The following OPCML variants were observed in gnomAD, a reference collection of about 807,000 sequenced individuals.
OPCML encodes the protein opioid binding protein/cell adhesion molecule like, also known as opioid-binding protein/cell adhesion molecule.
A neutral mutation model predicts 37.8 loss-of-function variants in OPCML; 13 were observed. That is an observed-to-expected ratio of 0.34 (90% CI 0.22 to 0.55). The LOEUF (loss-of-function observed/expected upper bound fraction) is 0.55, where lower values mean the gene tolerates loss of function less well. OPCML is among the 20% of genes least tolerant of loss of function. The pLI, the probability that OPCML is intolerant of heterozygous loss-of-function variation, is 0.91. For missense variants in OPCML, 341 were observed against 435.6 expected, an observed-to-expected ratio of 0.78 and a Z score of 1.93; for synonymous variants, 176 against 168.8, an observed-to-expected ratio of 1.04 and a Z score of -0.33.
At chr11:133,452,033 A>C (rs538293250) in intron 1 of OPCML, among the ~76,000 whole-genome samples, 1 of 151,534 alleles carries the variant, frequency 6.6e-6, no homozygotes, top group East Asian at 1.9e-4. Context: ...AACAAAAATC[A>C]ATACATTCAG....
Position 133,205,536 on chromosome 11 carries a change from C to A in OPCML, c.62-262526G>T, listed in dbSNP as rs1231720600. ...GGCAGTGCTGTGGGCTGAGCCTCAC[C>A]CTATGGGGACTGACGCCGTCTCCAG... On this transcript the variant is annotated intron_variant, in intron 1 of 7. Transcript: ENST00000524381. The surrounding 1 kb of genome is among the most constrained non-coding windows in gnomAD (Gnocchi z 4.8). Among the ~76,000 whole-genome samples, 4 of 152,148 alleles carry A rather than the reference C, an allele frequency of 2.6e-5. No homozygotes were observed. The highest frequency in any genetic ancestry group is 9.7e-5 in the African/African-American group (4 of 41,410).
intron 3 of OPCML, among the ~76,000 whole-genome samples, chr11:132,652,556 C>T (rs907132008): frequency 6.6e-6 from 1 of 152,184 alleles, no homozygotes; most frequent in South Asian, 2.1e-4. Context: ...CAGCCAGGCT[C>T]TTAACCTCCA....
chr11:133,003,866 G>A, intron 1 of OPCML: 1 of 985,358 alleles, frequency 1.0e-6, no homozygotes, highest in African/African-American at 1.7e-5. Flanking sequence ...TCCACCGTGT[G>A]CCCTCGACCC....
At chr11:132,496,273 T>C (rs778840621) in intron 4 of OPCML, among the ~76,000 whole-genome samples, 5 of 152,208 alleles carry the variant, frequency 3.3e-5, no homozygotes, top group Non-Finnish European at 7.3e-5. Context: ...GTGCTATATG[T>C]CTGAAGGGGG....
intron 1 of OPCML, among the ~76,000 whole-genome samples, chr11:133,048,074 C>A (rs1948056445): frequency 6.6e-6 from 1 of 152,090 alleles, no homozygotes; most frequent in Non-Finnish European, 1.5e-5. Flanking sequence ...CTTGAGGAAT[C>A]GGGTAAGACG....
At chr11:133,376,111 AAG>A (rs1221048018) in intron 1 of OPCML, among the ~76,000 whole-genome samples, 1 of 152,208 alleles carries the variant, frequency 6.6e-6, no homozygotes, top group Non-Finnish European at 1.5e-5. Flanking sequence ...TCAGGAGAGA[AAG>A]AGATTGTACT....
At chr11:132,856,600 C>T (rs1942067522) in intron 2 of OPCML, among the ~76,000 whole-genome samples, 1 of 152,254 alleles carries the variant, frequency 6.6e-6, no homozygotes, top group African/African-American at 2.4e-5. Flanking sequence ...GTGGACAAGC[C>T]GACTCAAGCA....
At chr11:132,776,502 C>T (rs1030484614) in intron 2 of OPCML, among the ~76,000 whole-genome samples, 1 of 151,998 alleles carries the variant, frequency 6.6e-6, no homozygotes, top group Non-Finnish European at 1.5e-5. Context: ...CAGTACTATC[C>T]CCCTGGTGAT....
chr11:133,372,369 C>T (rs7129427), intron 1 of OPCML, among the ~76,000 whole-genome samples: 55,454 of 151,962 alleles, frequency 0.36, 11,876 homozygotes, highest in East Asian at 0.64. Context: ...TCTAATTTAG[C>T]TCAATTTTTT....
intron 1 of OPCML, among the ~76,000 whole-genome samples, chr11:133,164,459 T>C (rs964712676): frequency 6.6e-5 from 10 of 152,234 alleles, no homozygotes; most frequent in Admixed American, 2.0e-4. Context: ...CTGGTACTCT[T>C]ACCCTGGGAA....
At chr11:132,555,108 G>T (rs1441271709) in intron 3 of OPCML, among the ~76,000 whole-genome samples, 1 of 152,022 alleles carries the variant, frequency 6.6e-6, no homozygotes, top group African/African-American at 2.4e-5. Flanking sequence ...GAAGGATGCT[G>T]CAACCACAAG....
chr11:133,390,694 A>G, intron 1 of OPCML, among the ~76,000 whole-genome samples: 1 of 152,110 alleles, frequency 6.6e-6, no homozygotes, highest in East Asian at 1.9e-4. Flanking sequence ...TTAGCATGCA[A>G]TGTGAATTAT....
intron 1 of OPCML, among the ~76,000 whole-genome samples, chr11:133,407,585 T>C (rs1945552328): frequency 6.6e-6 from 1 of 152,112 alleles, no homozygotes; most frequent in Non-Finnish European, 1.5e-5. Flanking sequence ...AGCTCCCTGC[T>C]GCAAAAGATG....
intron 1 of OPCML, among the ~76,000 whole-genome samples, chr11:133,479,567 C>T (rs1947329593): frequency 6.6e-6 from 1 of 152,216 alleles, no homozygotes; most frequent in South Asian, 2.1e-4. Context: ...CCCTGAAGGG[C>T]TTCTTGCAGA....
intron 4 of OPCML, among the ~76,000 whole-genome samples, chr11:132,494,493 C>T (rs1001217395): frequency 6.6e-6 from 1 of 152,056 alleles, no homozygotes; most frequent in Non-Finnish European, 1.5e-5. Flanking sequence ...ATCTCATGTT[C>T]TTTTCCTTCC....
intron 1 of OPCML, among the ~76,000 whole-genome samples, chr11:133,486,030 A>G (rs1334974707): frequency 6.6e-6 from 1 of 152,212 alleles, no homozygotes; most frequent in Admixed American, 6.5e-5. Context: ...TATGTGTGTT[A>G]GAGGATCTTT....
chr11:133,118,433 G>C, intron 1 of OPCML: 1 of 984,968 alleles, frequency 1.0e-6, no homozygotes, highest in Non-Finnish European at 1.2e-6. Context: ...TTTACACAAT[G>C]GTCCTGATTA....
At chr11:132,871,278 C>T (rs1801093895) in intron 2 of OPCML, among the ~76,000 whole-genome samples, 1 of 151,414 alleles carries the variant, frequency 6.6e-6, no homozygotes, top group Non-Finnish European at 1.5e-5. Flanking sequence ...ATTCAATCAA[C>T]TGCACATCAA....
chr11:133,009,252 T>A, intron 1 of OPCML: 1 of 984,738 alleles, frequency 1.0e-6, no homozygotes. Flanking sequence ...AAAACGGACA[T>A]AAATACTTGC....
Sources: allele counts gnomAD v4.1 joint callset (sites outside exome capture counted in the v4.1 genomes callset), GRCh38; gene constraint gnomAD v4.1.1; non-coding constraint Gnocchi (gnomAD v3.1); transcripts MANE v1.5; gene names NCBI Gene and HGNC (gene_info 2026-07-23, HGNC 2026-07-21).